Variants in NAV2 observed in about 807,000 individuals in gnomAD.
NAV2 encodes the protein helicase, APC down-regulated 1.
In NAV2, 54 loss-of-function variants were observed where a neutral mutation model predicts 223.2. The ratio of observed to expected loss-of-function variants is 0.24; its 90% CI spans 0.19 to 0.30. The LOEUF (loss-of-function observed/expected upper bound fraction) is 0.30, where lower values mean the gene tolerates loss of function less well. Ranked by LOEUF, NAV2 falls within the 10% of genes least tolerant of loss-of-function variation. NAV2 has a pLI of 1.00. For missense variants in NAV2, 2,806 were observed against 3,147.5 expected (o/e 0.89, Z 2.60); for synonymous variants, 1,279 against 1,239.3 (o/e 1.03, Z -0.67).
At chr11:19,901,616 A>T (rs1186486145) in intron 6 of NAV2, among the ~76,000 whole-genome samples, 1 of 152,208 alleles carries the variant, frequency 6.6e-6, no homozygotes, top group African/African-American at 2.4e-5. Context: ...AATGGAGGTA[A>T]TATAGTAAGA....
At position 19,744,027 on chromosome 11, in the gene NAV2, T is replaced by A. The variant is rs543382553; in HGVS notation, c.267+30065T>A. On this transcript the variant is annotated intron_variant, in intron 1 of 37. Coordinates refer to ENST00000349880, the MANE Select transcript of NAV2 (RefSeq NM_145117.5). ...TACTGAGCACCTAATATGTGTTAGATAAGGTACAAGATGTTTTCACAGAGA... is the reference window on the plus strand; with the variant it reads ...TACTGAGCACCTAATATGTGTTAGAAAAGGTACAAGATGTTTTCACAGAGA... Among the ~76,000 whole-genome samples the A allele has an allele frequency of 2.0e-5, 3 of 152,360 alleles. No homozygotes were observed. The South Asian group carries it at 6.2e-4, about 32-fold the overall frequency.
intron 1 of NAV2, among the ~76,000 whole-genome samples, chr11:19,551,775 C>A (rs2044697412): frequency 6.6e-6 from 1 of 152,150 alleles, no homozygotes; most frequent in Non-Finnish European, 1.5e-5. Context: ...TAGTGCATTT[C>A]ACGTGTGGAG....
At chr11:19,361,644 C>A (rs760768200) in intron 1 of NAV2, among the ~76,000 whole-genome samples, 27 of 152,154 alleles carry the variant, frequency 1.8e-4, no homozygotes, top group Non-Finnish European at 3.1e-4. Context: ...ATCAATACAG[C>A]TTGAAAACGT....
At chr11:19,780,768 C>T (rs547670044) in intron 1 of NAV2, among the ~76,000 whole-genome samples, 7 of 152,258 alleles carry the variant, frequency 4.6e-5, no homozygotes, top group East Asian at 1.9e-4. Flanking sequence ...TGATGACGGA[C>T]GAGATGAACC....
In NAV2 at chr11:19,643,458, T is replaced by G. The variant is rs562485698; in HGVS notation, c.76-189026T>G. ...CGATAGTTTGCTGAGAATGATAGTT[T>G]CCAGCTTCATCCGTGTCCCCACAAA... is the stretch of plus-strand genomic sequence containing the variant. On this transcript the variant is annotated intron_variant, in intron 1 of 37. Transcript: ENST00000360655. Among the ~76,000 whole-genome samples, 12 of 152,220 alleles carry G rather than the reference T, an allele frequency of 7.9e-5. No homozygotes were observed. The East Asian group carries it at 2.3e-3, about 29-fold the overall frequency.
chr11:19,985,566 TG>T (rs202221120), intron 11 of NAV2, among the ~76,000 whole-genome samples: 9 of 151,772 alleles, frequency 5.9e-5, no homozygotes, highest in South Asian at 4.2e-4. Context: ...TTTGTTTTTT[TG>T]TTGTTGTTTG....
At chr11:19,352,656 C>A (rs1222183049) in intron 1 of NAV2, among the ~76,000 whole-genome samples, 1 of 152,220 alleles carries the variant, frequency 6.6e-6, no homozygotes, top group Non-Finnish European at 1.5e-5. Flanking sequence ...TATGTAAGAT[C>A]CATTTTAATG....
intron 1 of NAV2, among the ~76,000 whole-genome samples, chr11:19,751,242 G>A (rs1250780572): frequency 6.6e-6 from 1 of 152,152 alleles, no homozygotes; most frequent in Non-Finnish European, 1.5e-5. Context: ...ACAGAGCTGG[G>A]ACTTTTATCC....
At chr11:19,849,765 A>G (rs1316398854) in intron 3 of NAV2, among the ~76,000 whole-genome samples, 2 of 152,210 alleles carry the variant, frequency 1.3e-5, no homozygotes, top group African/African-American at 4.8e-5. Context: ...GCCACTTAGA[A>G]TTTAAAGCAA....
intron 1 of NAV2, among the ~76,000 whole-genome samples, chr11:19,759,488 C>T (rs1280655174): frequency 3.3e-5 from 5 of 152,026 alleles, no homozygotes; most frequent in Non-Finnish European, 7.4e-5. Flanking sequence ...GAAAAATAGT[C>T]GGTGAAAGTC....
At chr11:19,428,908 A>G (rs1044722504) in intron 1 of NAV2, among the ~76,000 whole-genome samples, 2 of 152,222 alleles carry the variant, frequency 1.3e-5, no homozygotes, top group African/African-American at 2.4e-5. Context: ...TGTGTGCATT[A>G]TGATAATGTA....
chr11:19,775,235 C>T (rs895413676), intron 1 of NAV2, among the ~76,000 whole-genome samples: 4 of 152,320 alleles, frequency 2.6e-5, no homozygotes, highest in African/African-American at 9.6e-5. Context: ...GACACATGCT[C>T]TCTCATTTCT....
rs2255447 is a variant in NAV2, at chr11:20,092,045, C to A, written c.5653-161C>A. ...CCATGGCAGCATGTCTTATGTCTACCGCAGGGTTAGCAAACACTGCTAAAT... is the reference window on the plus strand; with the variant it reads ...CCATGGCAGCATGTCTTATGTCTACAGCAGGGTTAGCAAACACTGCTAAAT... On this transcript the variant is annotated intron_variant, in intron 27 of 37. Coordinates refer to ENST00000349880, the MANE Select transcript of NAV2 (RefSeq NM_145117.5). Among the ~76,000 whole-genome samples, 132,872 of 152,246 alleles carry A rather than the reference C, an allele frequency of 0.87. 58,128 individuals are homozygous for A. Among genetic ancestry groups the A allele is most frequent in the East Asian group, 0.95 (4,915 of 5,168 alleles).
rs2061769053 is a variant in NAV2, at chr11:20,103,266, G to A, written c.6429G>A (p.Gln2143=). Residue 2143 remains glutamine (Q), a synonymous_variant, in exon 33 of 38, where the codon CAG becomes CAA. Transcript: ENST00000349880. The part of the protein sequence containing the change: ...VDHKSSKELR[Q]YLSNLADQCN... ...CCTGGCCACCATAGGAATTGCGCCA[G>A]TACCTGTCCAACCTTGCTGACCAGT... The A allele has an allele frequency of 1.2e-6, 2 of 1,613,264 alleles. No homozygotes were observed. Among genetic ancestry groups the A allele is most frequent in the Non-Finnish European group, 8.5e-7 (1 of 1,179,602 alleles).
At chr11:19,775,081 C>G (rs1365842072) in intron 1 of NAV2, among the ~76,000 whole-genome samples, 2 of 152,278 alleles carry the variant, frequency 1.3e-5, no homozygotes, top group Non-Finnish European at 2.9e-5. Flanking sequence ...GAACTTTAGG[C>G]TTTAAAAAGC....
At chr11:20,006,496 G>A (rs576506586) in intron 11 of NAV2, among the ~76,000 whole-genome samples, 43 of 152,236 alleles carry the variant, frequency 2.8e-4, no homozygotes, top group Non-Finnish European at 5.3e-4. Flanking sequence ...CCAACATGGT[G>A]AAACCCCGTC....
At chr11:19,565,146 A>G (rs2045227487) in intron 1 of NAV2, among the ~76,000 whole-genome samples, 1 of 152,172 alleles carries the variant, frequency 6.6e-6, no homozygotes, top group African/African-American at 2.4e-5. Flanking sequence ...CCCTCTCCAG[A>G]AAAAGGTAAT....
Position 20,029,857 on chromosome 11 carries a change from A to G in NAV2, c.2769-6102A>G, listed in dbSNP as rs76407731. The stretch of plus-strand genomic sequence containing the variant: ...GTTACGTTCTTATCTGACTTGACCA[A>G]TGTAGGGCATTTCATTAGTGGAGAA... On this transcript the variant is annotated intron_variant, in intron 11 of 37. Coordinates refer to ENST00000349880, the MANE Select transcript of NAV2 (RefSeq NM_145117.5). 2.0e-5 allele frequency among the ~76,000 whole-genome samples: 3 copies of G among 152,370 alleles called. No individual in the cohort carries two copies. In the East Asian group the frequency reaches 5.8e-4, roughly 29 times the overall value.
intron 1 of NAV2, among the ~76,000 whole-genome samples, chr11:19,681,332 A>T (rs1344355494): frequency 6.6e-6 from 1 of 152,322 alleles, no homozygotes; most frequent in South Asian, 2.1e-4. Context: ...GTTATAAAAG[A>T]TAGATTTGCT....
Sources: gnomAD v4.1 joint callset for allele counts (sites outside exome capture counted in the v4.1 genomes callset) on GRCh38, gnomAD v4.1.1 for gene constraint, MANE v1.5 for transcripts, NCBI Gene and HGNC (gene_info 2026-07-23, HGNC 2026-07-21) for gene names.